The following POU5F1B variants were observed in gnomAD, a reference collection of about 807,000 sequenced individuals.
POU5F1B encodes the protein POU domain, class 5, transcription factor 1B.
Under a neutral mutation model 28.1 loss-of-function variants are expected in POU5F1B, and 24 were observed. The observed-to-expected ratio is 0.85, with a 90% CI of 0.62 to 1.20. POU5F1B has a LOEUF of 1.20. POU5F1B is among the 50% of genes most tolerant of loss of function. POU5F1B has a pLI of 0.00. For missense variants in POU5F1B, 451 were observed against 451.5 expected (o/e 1.00, Z 0.01); for synonymous variants, 220 against 193.2 (o/e 1.14, Z -1.15).
exon 3 of POU5F1B, chr8:127,417,009 A>C: frequency 6.4e-7 from 1 of 1,558,362 alleles, no homozygotes; most frequent in Non-Finnish European, 8.7e-7. Context: ...GAGAACCTGG[A>C]GTTTGTGGCA....
At chr8:127,416,190 T>C (rs778964462) in exon 3 of POU5F1B, 6 of 1,613,700 alleles carry the variant, frequency 3.7e-6, no homozygotes, top group East Asian at 2.2e-5. Flanking sequence ...GCAACTCCAA[T>C]GGGGCCTCCC....
exon 3 of POU5F1B, chr8:127,416,129 G>A (rs1369961915): frequency 1.9e-6 from 3 of 1,613,622 alleles, no homozygotes; most frequent in Non-Finnish European, 2.5e-6. Context: ...GTGCCCCAAG[G>A]CGGCTTGGAG....
intron 1 of POU5F1B, among the ~76,000 whole-genome samples, chr8:127,414,714 A>C (rs1233909856): frequency 6.6e-6 from 1 of 152,212 alleles, no homozygotes; most frequent in East Asian, 1.9e-4. Context: ...ATAGCTTTAC[A>C]ATATGCCCAC....
exon 3 of POU5F1B, chr8:127,417,208 A>AAG: frequency 3.4e-6 from 1 of 294,596 alleles, no homozygotes; most frequent in Non-Finnish European, 5.7e-6. Flanking sequence ...AAAAAAAAAA[A>AAG]AAGAAAGAAA....
chr8:127,417,103 G>A, exon 3 of POU5F1B: 1 of 1,043,808 alleles, frequency 9.6e-7, no homozygotes, highest in Non-Finnish European at 1.4e-6. Flanking sequence ...GGGGCAACTG[G>A]TTGGAGGGAA....
chr8:127,416,812 G>A (rs762206111), exon 3 of POU5F1B: 1 of 1,605,820 alleles, frequency 6.2e-7, no homozygotes, highest in Admixed American at 1.7e-5. Context: ...TCCGGCCCCA[G>A]GGCCCCATTT....
At chr8:127,416,133 C>T in exon 3 of POU5F1B, 1 of 1,613,674 alleles carries the variant, frequency 6.2e-7, no homozygotes, top group Non-Finnish European at 8.5e-7. Context: ...CCCAAGGCGG[C>T]TTGGAGACCT....
exon 3 of POU5F1B, chr8:127,416,801 C>T: frequency 1.2e-6 from 2 of 1,606,222 alleles, no homozygotes; most frequent in Non-Finnish European, 1.7e-6. Flanking sequence ...GTGTCCTTTC[C>T]TCCGGCCCCA....
rs754291935 is a variant in POU5F1B, at chr8:127,415,977, C to T, written c.111C>T (p.Ser37=). 38 of 1,581,638 alleles carry T rather than the reference C, an allele frequency of 2.4e-5. No homozygotes were observed. The African/African-American group carries it at 4.2e-4, about 17-fold the overall frequency. The stretch of plus-strand genomic sequence containing the variant: ...GGGTTGATCCTCTGACCTGGCTAAG[C>T]TTCCAAGGCCCTCCTGGAGGGCCAG... Residue 37 remains serine (S), a synonymous_variant, in exon 3 of 3, where the codon AGC becomes AGT. Coordinates refer to ENST00000465342, the Ensembl canonical transcript of POU5F1B.
At chr8:127,413,858 A>ACACG (rs1491468153) in intron 1 of POU5F1B, among the ~76,000 whole-genome samples, 1 of 18,826 alleles carries the variant, frequency 5.3e-5, no homozygotes, top group Non-Finnish European at 1.2e-4. Flanking sequence ...AAAAGGTGGT[A>ACACG]CACACACACA....
At chr8:127,416,605 A>T in exon 3 of POU5F1B, 1 of 1,601,342 alleles carries the variant, frequency 6.2e-7, no homozygotes, top group Non-Finnish European at 8.5e-7. Flanking sequence ...CAACCTGGAG[A>T]ATTTGTTCCT....
At chr8:127,413,830 C>T (rs1003096032) in intron 1 of POU5F1B, among the ~76,000 whole-genome samples, 1 of 149,976 alleles carries the variant, frequency 6.7e-6, no homozygotes, top group South Asian at 2.1e-4. Context: ...TGGTCAAACA[C>T]ATTTTGTGCT....
chr8:127,415,963 C>G, exon 3 of POU5F1B: 1 of 1,575,738 alleles, frequency 6.3e-7, no homozygotes, highest in Non-Finnish European at 8.6e-7. Flanking sequence ...GGTTGATCCT[C>G]TGACCTGGCT....
In POU5F1B at chr8:127,416,290, C is replaced by G. The variant is rs979407883; in HGVS notation, c.424C>G (p.Leu142Val). 1.2e-6 allele frequency: 2 copies of G among 1,613,864 alleles called. No homozygotes were observed. The highest frequency in any genetic ancestry group is 3.3e-5 in the Admixed American group (2 of 60,022). Residue 142 changes from leucine to valine, a missense_variant, in exon 3 of 3, where the codon CTG (leucine) becomes GTG (valine). Coordinates refer to ENST00000465342, the Ensembl canonical transcript of POU5F1B. ...GGAGAAGTCCCAGGACATCAAAGCT[C>G]TGCAGAAAGAACTCGAGCAATTTGC...
chr8:127,416,037 G>T (rs754238636), exon 3 of POU5F1B: 2 of 1,606,150 alleles, frequency 1.2e-6, no homozygotes, highest in African/African-American at 1.3e-5. Context: ...GCTCTGAGGT[G>T]TGGGGGATTC....
chr8:127,416,593 G>C, exon 3 of POU5F1B: 2 of 1,602,586 alleles, frequency 1.2e-6, no homozygotes, highest in African/African-American at 1.3e-5. Context: ...CCGAGTGAGA[G>C]GCAACCTGGA....
exon 3 of POU5F1B, chr8:127,416,239 GAGA>G: frequency 1.2e-6 from 2 of 1,613,906 alleles, no homozygotes; most frequent in East Asian, 4.5e-5. Flanking sequence ...CGTGAAGCTG[GAGA>G]AGGAGAAGCT....
At chr8:127,416,983 G>A (rs772229313) in exon 3 of POU5F1B, 2 of 1,580,024 alleles carry the variant, frequency 1.3e-6, no homozygotes, top group South Asian at 1.2e-5. Context: ...ACAGGGGAGG[G>A]GAGGAGCTAG....
chr8:127,416,273 C>A (rs1428618977), exon 3 of POU5F1B: 1 of 1,613,778 alleles, frequency 6.2e-7, no homozygotes, highest in African/African-American at 1.3e-5. Context: ...CCGGAGAAGT[C>A]CCAGGACATC....
Sources: allele counts gnomAD v4.1 joint callset (sites outside exome capture counted in the v4.1 genomes callset), GRCh38; gene constraint gnomAD v4.1.1; transcripts MANE v1.5; gene names NCBI Gene and HGNC (gene_info 2026-07-23, HGNC 2026-07-21).